Variants in DIO1 observed in about 807,000 individuals in gnomAD.
DIO1 encodes the protein iodothyronine deiodinase 1.
Under a neutral mutation model 25.9 loss-of-function variants are expected in DIO1, and 17 were observed. That is an observed-to-expected ratio of 0.66 (90% CI 0.45 to 0.98). The LOEUF (loss-of-function observed/expected upper bound fraction) is 0.98, where lower values mean the gene tolerates loss of function less well. Among genes scored for constraint, DIO1 ranks in the 50% least tolerant of loss-of-function variants. The pLI is 0.00. For missense variants in DIO1, 270 were observed against 310.4 expected, an observed-to-expected ratio of 0.87 and a Z score of 0.98; for synonymous variants, 115 against 114.0, an observed-to-expected ratio of 1.01 and a Z score of -0.05.
chr1:53,905,652 C>T (rs534883735), intron 2 of DIO1, among the ~76,000 whole-genome samples: 6 of 152,276 alleles, frequency 3.9e-5, no homozygotes, highest in East Asian at 1.9e-4. Context: ...TTCCAGGTGA[C>T]GCTGATGCTG....
rs749430961 is a variant in DIO1, at chr1:53,894,885, C to T, written c.337+338C>T. On this transcript the variant is annotated intron_variant, in intron 1 of 3. Coordinates refer to ENST00000361921, the MANE Select transcript of DIO1 (RefSeq NM_000792.7). The surrounding 1 kb of genome is among the most constrained non-coding windows in gnomAD (Gnocchi z 4.9). ...CAATCTTCAGACTGTTGCTCAATGA[C>T]GCTTCTTTCGAGAAGCCAAGCCCAA... Among the ~76,000 whole-genome samples the T allele has an allele frequency of 9.2e-5, 14 of 152,214 alleles. No individual in the cohort carries two copies. The highest frequency in any genetic ancestry group is 2.2e-4 in the African/African-American group (9 of 41,460).
rs1375451529 is a variant in DIO1, at chr1:53,910,309, G to A, written c.*310G>A. On this transcript the variant is annotated 3_prime_UTR_variant, in exon 4 of 4. Coordinates refer to ENST00000361921, the MANE Select transcript of DIO1 (RefSeq NM_000792.7). Reference sequence around the variant, plus strand: ...TCCCACTTTGGAGACCACATTCCCTGCACACGGTCTTTGAGAGAGCAGTTG... The same window carrying A: ...TCCCACTTTGGAGACCACATTCCCTACACACGGTCTTTGAGAGAGCAGTTG... 8.2e-6 allele frequency: 3 copies of A among 364,610 alleles called. No individual in the cohort carries two copies. Among genetic ancestry groups the A allele is most frequent in the Non-Finnish European group, 1.6e-5 (3 of 192,474 alleles). The allele number at this position is 364,610 out of a possible 1,614,324, so 22.6% of individuals were successfully genotyped here. A position where few individuals can be genotyped will look rare whatever the true frequency, so the allele number is the denominator to read the frequency against.
chr1:53,907,924 A>G (rs1651742434), intron 3 of DIO1, among the ~76,000 whole-genome samples: 1 of 143,732 alleles, frequency 7.0e-6, no homozygotes, highest in South Asian at 2.2e-4. Flanking sequence ...AAAAAAAAAA[A>G]AAAAAAAAAA....
Position 53,898,917 on chromosome 1 carries a change from A to G in DIO1, c.337+4370A>G, listed in dbSNP as rs142895384. Among the ~76,000 whole-genome samples, 707 of 152,264 alleles carry G rather than the reference A, an allele frequency of 4.6e-3. 7 individuals are homozygous for G. Among genetic ancestry groups the G allele is most frequent in the African/African-American group, 0.017 (688 of 41,550 alleles). On this transcript the variant is annotated intron_variant, in intron 1 of 3. Coordinates refer to ENST00000361921, the MANE Select transcript of DIO1 (RefSeq NM_000792.7). ...GCAACCGCTTCGTTTTTGAGATGCA[A>G]AAGTCCAGAGAGGTGAATGACTCGC...
intron 1 of DIO1, among the ~76,000 whole-genome samples, chr1:53,903,474 C>T (rs1158101337): frequency 6.6e-6 from 1 of 151,738 alleles, no homozygotes; most frequent in Non-Finnish European, 1.5e-5. Flanking sequence ...TCTATGAATA[C>T]CCCAGGGGAG....
chr1:53,901,370 T>G (rs1449589318), intron 1 of DIO1, among the ~76,000 whole-genome samples: 1 of 152,188 alleles, frequency 6.6e-6, no homozygotes, highest in Non-Finnish European at 1.5e-5. Context: ...TGTTGAGTGC[T>G]TTCCAGAAAC....
chr1:53,895,172 C>A (rs1419901928), intron 1 of DIO1, among the ~76,000 whole-genome samples: 2 of 152,170 alleles, frequency 1.3e-5, no homozygotes, highest in African/African-American at 4.8e-5. Context: ...CGCCTGTAAT[C>A]CCGGCACTTT....
intron 1 of DIO1, among the ~76,000 whole-genome samples, chr1:53,900,219 T>C (rs1193792974): frequency 6.6e-6 from 1 of 152,188 alleles, no homozygotes; most frequent in African/African-American, 2.4e-5. Context: ...AGAGTCAAAA[T>C]ATAGCTCAGT....
intron 2 of DIO1, among the ~76,000 whole-genome samples, chr1:53,905,323 G>A (rs1181771240): frequency 8.6e-5 from 13 of 151,922 alleles, no homozygotes; most frequent in Admixed American, 3.3e-4. Context: ...GCAGGCATAC[G>A]CCACCATGCC....
intron 3 of DIO1, 23 bp from the exon 4 acceptor site, chr1:53,909,908 T>A: frequency 1.2e-6 from 2 of 1,612,698 alleles, no homozygotes; most frequent in Non-Finnish European, 1.7e-6. Context: ...AAGTTGGGAA[T>A]GCCTGATTCG....
At chr1:53,909,166 G>A (rs982722665) in intron 3 of DIO1, among the ~76,000 whole-genome samples, 3 of 149,074 alleles carry the variant, frequency 2.0e-5, no homozygotes, top group South Asian at 2.1e-4. Context: ...CTGTAATCCC[G>A]GCACTTTGGG....
At chr1:53,904,884 C>T (rs572396863) in intron 2 of DIO1, 75 bp downstream of exon 2, 8 of 1,512,330 alleles carry the variant, frequency 5.3e-6, no homozygotes, top group Non-Finnish European at 7.1e-6. Flanking sequence ...GGCCCCATCT[C>T]AAGGTTGGGA....
chr1:53,906,459 A>G (rs1237003149), intron 3 of DIO1, among the ~76,000 whole-genome samples, 165 bp downstream of exon 3: 3 of 152,152 alleles, frequency 2.0e-5, no homozygotes, highest in Non-Finnish European at 4.4e-5. Flanking sequence ...AGTTCCTTCA[A>G]TTTCCTCTTC....
In DIO1 at chr1:53,910,315, G is replaced by A; in HGVS notation, c.*316G>A. The A allele has an allele frequency of 5.9e-6, 2 of 336,940 alleles. No homozygotes were observed. Among genetic ancestry groups the A allele is most frequent in the Non-Finnish European group, 1.1e-5 (2 of 176,554 alleles). 20.9% of individuals were successfully genotyped at this position (336,940 alleles called of 1,614,324 possible). On this transcript the variant is annotated 3_prime_UTR_variant, in exon 4 of 4. Coordinates refer to ENST00000361921, the MANE Select transcript of DIO1 (RefSeq NM_000792.7). ...TTTGGAGACCACATTCCCTGCACAC[G>A]GTCTTTGAGAGAGCAGTTGCACTCT... is the stretch of plus-strand genomic sequence containing the variant.
intron 3 of DIO1, among the ~76,000 whole-genome samples, chr1:53,907,623 C>T (rs1651717171): frequency 6.6e-6 from 1 of 152,102 alleles, no homozygotes; most frequent in South Asian, 2.1e-4. Flanking sequence ...GAAAATGACT[C>T]ATACCTAGCC....
chr1:53,906,987 G>C (rs1651690382), intron 3 of DIO1, among the ~76,000 whole-genome samples: 1 of 152,154 alleles, frequency 6.6e-6, no homozygotes, highest in Non-Finnish European at 1.5e-5. Context: ...TCAGAGAGGG[G>C]AATTGACTTG....
intron 1 of DIO1, among the ~76,000 whole-genome samples, chr1:53,895,108 G>GT (rs1173644411): frequency 6.6e-6 from 1 of 152,150 alleles, no homozygotes; most frequent in Non-Finnish European, 1.5e-5. Flanking sequence ...GTGGCACATG[G>GT]TAGCTGCTCA....
chr1:53,903,577 G>A (rs540118062), intron 1 of DIO1, among the ~76,000 whole-genome samples: 5 of 151,894 alleles, frequency 3.3e-5, no homozygotes, highest in South Asian at 4.1e-4. Context: ...GGCTGGGCAC[G>A]GTGGCTCAGG....
intron 1 of DIO1, among the ~76,000 whole-genome samples, chr1:53,899,559 A>T (rs1651250320): frequency 6.6e-6 from 1 of 152,222 alleles, no homozygotes; most frequent in Admixed American, 6.5e-5. Flanking sequence ...AATTAAACAA[A>T]TGGCTCTGTC....
Sources: allele counts gnomAD v4.1 joint callset (sites outside exome capture counted in the v4.1 genomes callset), GRCh38; gene constraint gnomAD v4.1.1; non-coding constraint Gnocchi (gnomAD v3.1); transcripts MANE v1.5; gene names NCBI Gene and HGNC (gene_info 2026-07-23, HGNC 2026-07-21).